Variants in OR10K2 observed in about 807,000 individuals in gnomAD.
OR10K2 encodes the protein olfactory receptor 10K2.
For synonymous variants in OR10K2, 169 were observed against 146.4 expected, an observed-to-expected ratio of 1.15 and a Z score of -1.11; for missense variants, 401 against 367.1, an observed-to-expected ratio of 1.09 and a Z score of -0.76.
At position 158,419,011 on chromosome 1, in the gene OR10K2, G is replaced by C. The variant is rs1196988649; in HGVS notation, c.*917C>G. ...ATCCATTCCCCTGTGAATATCTTCA[G>C]GGTATGCTGACCAAATTTAGATGTA... On this transcript the variant is annotated 3_prime_UTR_variant, in exon 2 of 2. Transcript: ENST00000641042. The C allele has an allele frequency of 6.6e-6, 1 of 152,060 alleles. No homozygotes were observed. The highest frequency in any genetic ancestry group is 1.5e-5 in the Non-Finnish European group (1 of 68,000). The allele number at this position is 152,060 out of a possible 1,614,324, so 9.4% of individuals were successfully genotyped here. A position where few individuals can be genotyped will look rare whatever the true frequency, so the allele number is the denominator to read the frequency against.
chr1:158,423,227 A>AC (rs1655191939), intron 1 of OR10K2, among the ~76,000 whole-genome samples: 1 of 136,310 alleles, frequency 7.3e-6, no homozygotes, highest in African/African-American at 2.7e-5. Flanking sequence ...TTCGCCCAAT[A>AC]TTTTTTTTTT....
chr1:158,420,110 C>T lies in OR10K2; in HGVS notation c.757G>A (p.Gly253Ser), dbSNP rs144201061. 2,354 of 1,613,598 alleles carry T rather than the reference C, an allele frequency of 1.5e-3. 35 individuals carry two copies. The African/African-American group carries it at 0.026, about 18-fold the overall frequency. Reference protein sequence around the residue: ...SHLIIVTVHYGCASFIYLRPQ... With the variant: ...SHLIIVTVHYSCASFIYLRPQ... ...CTTAAGTAGATAAAGGAGGCACAGCCATAGTGGACAGTGACAATAATGAGG... is the reference window on the plus strand; with the variant it reads ...CTTAAGTAGATAAAGGAGGCACAGCTATAGTGGACAGTGACAATAATGAGG... Residue 253 changes from glycine to serine, a missense_variant, in exon 2 of 2, where the codon GGC becomes AGC. Physicochemically the swap from Gly to Ser is moderately conservative, Grantham distance 56. Coordinates refer to ENST00000641042, the MANE Select transcript of OR10K2 (RefSeq NM_001004476.2).
In OR10K2 at chr1:158,420,552, G is replaced by T; in HGVS notation, c.315C>A (p.Leu105=). 6.2e-7 allele frequency: 1 copy of T among 1,613,950 alleles called. No homozygotes were observed. The highest frequency in any genetic ancestry group is 8.5e-7 in the Non-Finnish European group (1 of 1,179,928). Reference sequence around the variant, plus strand: ...GAAAGGAGTGAGAGCAGCCAAGGAAGAGGAAGGAAAACATTTGGATGGCAC... The same window carrying T: ...GAAAGGAGTGAGAGCAGCCAAGGAATAGGAAGGAAAACATTTGGATGGCAC... ...LGCAIQMFSF[L]FLGCSHSFLL... The change falls in exon 2 of 2, where the codon CTC becomes CTA. Residue 105 remains leucine (L), a synonymous_variant. Transcript: ENST00000641042.
Position 158,419,921 on chromosome 1 carries a change from A to T in OR10K2, c.*7T>A, listed in dbSNP as rs1054223758. 1.9e-6 allele frequency: 3 copies of T among 1,603,316 alleles called. No homozygotes were observed. Among genetic ancestry groups the T allele is most frequent in the Admixed American group, 1.7e-5 (1 of 59,144 alleles). Reference sequence around the variant, plus strand: ...GAAACTGCACCTGGCCAGAATCAAGATTAATTTTACAACAGGGAAATTGTT... The same window carrying T: ...GAAACTGCACCTGGCCAGAATCAAGTTTAATTTTACAACAGGGAAATTGTT... On this transcript the variant is annotated 3_prime_UTR_variant, in exon 2 of 2. Coordinates refer to ENST00000641042, the MANE Select transcript of OR10K2 (RefSeq NM_001004476.2).
intron 1 of OR10K2, among the ~76,000 whole-genome samples, chr1:158,422,956 A>G (rs1655186966): frequency 6.6e-6 from 1 of 151,984 alleles, no homozygotes; most frequent in African/African-American, 2.4e-5. Context: ...TTTTTTATTT[A>G]TTTCTAGGTT....
chr1:158,421,658 C>T (rs1444819801), intron 1 of OR10K2, among the ~76,000 whole-genome samples: 2 of 152,088 alleles, frequency 1.3e-5, no homozygotes, highest in African/African-American at 2.4e-5. Context: ...CATTATGGCT[C>T]CTTTCCCATG....
chr1:158,420,601 T>C lies in OR10K2; in HGVS notation c.266A>G (p.Lys89Arg). 6.2e-7 allele frequency: 1 copy of C among 1,613,936 alleles called. No individual in the cohort carries two copies. Among genetic ancestry groups the C allele is most frequent in the Non-Finnish European group, 8.5e-7 (1 of 1,179,924 alleles). Residue 89 changes from lysine (K) to arginine (R), a missense_variant, in exon 2 of 2, where the codon AAG becomes AGG. Physicochemically the swap from Lys to Arg is conservative, Grantham distance 26. Transcript: ENST00000641042. ...PKMLVDLLSQ[K>R]KTISFLGCAI... ...ACAGCCCAGGAAAGAAATGGTCTTCTTCTGGGACAGCAGGTCAACCAGCAT... is the reference window on the plus strand; with the variant it reads ...ACAGCCCAGGAAAGAAATGGTCTTCCTCTGGGACAGCAGGTCAACCAGCAT...
At position 158,419,973 on chromosome 1, in the gene OR10K2, T is replaced by C. The variant is rs1571261381; in HGVS notation, c.894A>G (p.Lys298=). 6.2e-7 allele frequency: 1 copy of C among 1,612,614 alleles called. No homozygotes were observed. Among genetic ancestry groups the C allele is most frequent in the Non-Finnish European group, 8.5e-7 (1 of 1,179,066 alleles). ...MIYSLRNKEF[K]SALCKIVRRT... ...TTCTCACAATTTTACAAAGAGCTGA[T>C]TTGAACTCTTTATTTCTCAAGCTAT... The change falls in exon 2 of 2, where the codon AAA becomes AAG. Residue 298 remains lysine (K), a synonymous_variant. Transcript: ENST00000641042.
At chr1:158,422,838 C>T (rs1655184614) in intron 1 of OR10K2, among the ~76,000 whole-genome samples, 6 of 151,866 alleles carry the variant, frequency 4.0e-5, no homozygotes, top group Admixed American at 3.9e-4. Context: ...GAGACCCATT[C>T]AGAAGATATT....
At chr1:158,421,234 T>G (rs1207916977) in intron 1 of OR10K2, among the ~76,000 whole-genome samples, 1 of 151,984 alleles carries the variant, frequency 6.6e-6, no homozygotes, top group Non-Finnish European at 1.5e-5. Context: ...TGTATCTGTA[T>G]TCTCTCAAAA....
In OR10K2 at chr1:158,426,203, A is replaced by G. The variant is rs1201401270; in HGVS notation, c.-332T>C. 1 of 152,146 alleles carries G rather than the reference A, an allele frequency of 6.6e-6. No individual in the cohort carries two copies. Among genetic ancestry groups the G allele is most frequent in the Non-Finnish European group, 1.5e-5 (1 of 68,016 alleles). 9.4% of individuals were successfully genotyped at this position (152,146 alleles called of 1,614,324 possible). A position where few individuals can be genotyped will look rare whatever the true frequency, so the allele number is the denominator to read the frequency against. ...TTTACTCAGAGGTAGAGATGTGATG[A>G]TGGTCTATGGTCTTAGACCCAGACC... On this transcript the variant is annotated 5_prime_UTR_variant, in exon 1 of 2. Coordinates refer to ENST00000641042, the MANE Select transcript of OR10K2 (RefSeq NM_001004476.2).
rs1655077388 is a variant in OR10K2, at chr1:158,418,227, C to A, written c.*1701G>T. ...TTCTTTTACTCATTAGTAGGCAAGT[C>A]ATTTTATTTGTCTGAGTGTCATTTT... is the stretch of plus-strand genomic sequence containing the variant. On this transcript the variant is annotated 3_prime_UTR_variant, in exon 2 of 2. Coordinates refer to ENST00000641042, the MANE Select transcript of OR10K2 (RefSeq NM_001004476.2). 6.6e-6 allele frequency: 1 copy of A among 152,036 alleles called. No homozygotes were observed. The highest frequency in any genetic ancestry group is 2.4e-5 in the African/African-American group (1 of 41,420). The allele number at this position is 152,036 out of a possible 1,614,324, so 9.4% of individuals were successfully genotyped here.
At chr1:158,423,513 G>C (rs1461942929) in intron 1 of OR10K2, among the ~76,000 whole-genome samples, 2 of 151,820 alleles carry the variant, frequency 1.3e-5, no homozygotes, top group African/African-American at 4.8e-5. Context: ...AATAATTCCT[G>C]CCTCCTGGGC....
In OR10K2 at chr1:158,420,323, C is replaced by A. The variant is rs768129695; in HGVS notation, c.544G>T (p.Ala182Ser). 4.4e-5 allele frequency: 71 copies of A among 1,613,618 alleles called. No homozygotes were observed. Among genetic ancestry groups the A allele is most frequent in the Admixed American group, 1.0e-4 (6 of 59,908 alleles). ...NQLHHFFCDI[A>S]PVLKLASHHN... ...TGAGATGCCAGCTTGAGGACAGGAG[C>A]AATGTCACAGAAGAAGTGATGTAGT... The change falls in exon 2 of 2, where the codon GCT becomes TCT. Residue 182 changes from alanine to serine, a missense_variant. Ala to Ser is a moderately conservative substitution (Grantham distance 99). Coordinates refer to ENST00000641042, the MANE Select transcript of OR10K2 (RefSeq NM_001004476.2).
Position 158,420,598 on chromosome 1 carries a change from T to A in OR10K2, c.269A>T (p.Lys90Met). ...KMLVDLLSQKKTISFLGCAIQ... is the reference protein window; with the variant it reads ...KMLVDLLSQKMTISFLGCAIQ... The stretch of plus-strand genomic sequence containing the variant: ...GGCACAGCCCAGGAAAGAAATGGTC[T>A]TCTTCTGGGACAGCAGGTCAACCAG... The change falls in exon 2 of 2, where the codon AAG (lysine) becomes ATG (methionine). Residue 90 changes from lysine (K) to methionine (M), a missense_variant. Coordinates refer to ENST00000641042, the MANE Select transcript of OR10K2 (RefSeq NM_001004476.2). 6.2e-7 allele frequency: 1 copy of A among 1,613,904 alleles called. No individual in the cohort carries two copies. The highest frequency in any genetic ancestry group is 8.5e-7 in the Non-Finnish European group (1 of 1,179,904).
chr1:158,421,026 A>G, intron 1 of OR10K2, 99 bp from the exon 2 acceptor site: 1 of 699,176 alleles, frequency 1.4e-6, no homozygotes, highest in Non-Finnish European at 2.3e-6. Flanking sequence ...TTTTTCCAAG[A>G]CATGATGTTG....
chr1:158,418,873 A>G lies in OR10K2; in HGVS notation c.*1055T>C, dbSNP rs1168324525. ...CAAACTCTTGAGTTGCATGGAGAAC[A>G]GATTGATTGTTCCATATGCAAAGCT... On this transcript the variant is annotated 3_prime_UTR_variant, in exon 2 of 2. Coordinates refer to ENST00000641042, the MANE Select transcript of OR10K2 (RefSeq NM_001004476.2). The G allele has an allele frequency of 1.3e-5, 2 of 152,146 alleles. No homozygotes were observed. The highest frequency in any genetic ancestry group is 2.9e-5 in the Non-Finnish European group (2 of 68,002). The allele number at this position is 152,146 out of a possible 1,614,324, so 9.4% of individuals were successfully genotyped here.
chr1:158,423,552 T>C (rs1032249982), intron 1 of OR10K2, among the ~76,000 whole-genome samples: 2 of 151,974 alleles, frequency 1.3e-5, no homozygotes, highest in Non-Finnish European at 2.9e-5. Flanking sequence ...AGGCAATATA[T>C]ATGAAAGAGA....
rs1655122273 is a variant in OR10K2 at position 158,420,225 on chromosome 1, G to A, written c.642C>T (p.Ile214=). ...TLVLAIPLLL[I]LVSYVHILSA... is the part of the protein sequence containing the mutation. The stretch of plus-strand genomic sequence containing the variant: ...AGAGGATGTGAACATAGGACACCAA[G>A]ATCAACAATAAGGGGATAGCCAGGA... Residue 214 remains isoleucine, a synonymous_variant, in exon 2 of 2, where the codon ATC becomes ATT. Transcript: ENST00000641042. The A allele has an allele frequency of 4.3e-6, 7 of 1,613,782 alleles. No homozygotes were observed. The highest frequency in any genetic ancestry group is 1.1e-5 in the South Asian group (1 of 91,070).
Sources: allele counts gnomAD v4.1 joint callset (sites outside exome capture counted in the v4.1 genomes callset), GRCh38; gene constraint gnomAD v4.1.1; transcripts MANE v1.5; gene names NCBI Gene and HGNC (gene_info 2026-07-23, HGNC 2026-07-21).